NT5DC2: variants seen among roughly 807,000 people sequenced by gnomAD.
NT5DC2 encodes the protein 5'-nucleotidase domain-containing protein 2.
In NT5DC2, 41 loss-of-function variants were observed where a neutral mutation model predicts 70.0. That is an observed-to-expected ratio of 0.59 (90% CI 0.46 to 0.76). The LOEUF is 0.76. Among genes scored for constraint, NT5DC2 ranks in the 30% least tolerant of loss-of-function variants. The pLI is 0.00. For synonymous variants in NT5DC2, 299 were observed against 310.4 expected (o/e 0.96, Z 0.39); for missense variants, 705 against 783.2 (o/e 0.90, Z 1.19).
Position 52,528,886 on chromosome 3 carries a change from C to T in NT5DC2, c.467G>A (p.Arg156His), listed in dbSNP as rs748463195. 14 of 1,614,078 alleles carry T rather than the reference C, an allele frequency of 8.7e-6. No homozygotes were observed. Among genetic ancestry groups the T allele is most frequent in the Non-Finnish European group, 1.1e-5 (13 of 1,180,008 alleles). ...CTTCTGAATGTCATAGTGGAGGCCACGGATGGCAAAGCTGGGGTTGTAGTC... is the reference window on the plus strand; with the variant it reads ...CTTCTGAATGTCATAGTGGAGGCCATGGATGGCAAAGCTGGGGTTGTAGTC... Reference protein sequence around the residue: ...KYDYNPSFAIRGLHYDIQKSL... With the variant: ...KYDYNPSFAIHGLHYDIQKSL... The change falls in exon 3 of 14, where the codon CGT becomes CAT. Residue 156 changes from arginine to histidine, a missense_variant. Physicochemically the swap from Arg to His is conservative, Grantham distance 29. Coordinates refer to ENST00000422318, the MANE Select transcript of NT5DC2 (RefSeq NM_001134231.2).
At chr3:52,528,814 C>T in intron 3 of NT5DC2, 47 bp downstream of exon 3, 2 of 1,605,578 alleles carry the variant, frequency 1.2e-6, no homozygotes, top group Non-Finnish European at 1.7e-6. Context: ...ATGACCATAC[C>T]AAGAGGAGGC....
chr3:52,527,830 C>A lies in NT5DC2; in HGVS notation c.934G>T (p.Val312Leu). The A allele has an allele frequency of 6.2e-7, 1 of 1,613,338 alleles. No individual in the cohort carries two copies. The highest frequency in any genetic ancestry group is 1.3e-5 in the African/African-American group (1 of 75,066). ...TCCATCCACAGGGGCTGGACTCACA[C>A]GAAGCTGAAAGGACTGTTGGTGATG... ...FLITNSPFSF[V>L]DKGMRHMVGP... Residue 312 changes from valine to leucine, a missense_variant and splice_region_variant, in exon 8 of 14, where the codon GTA (valine) becomes TTA (leucine). Val to Leu is a conservative substitution (Grantham distance 32, BLOSUM62 1). Transcript: ENST00000422318.
Position 52,528,167 on chromosome 3 carries a change from G to A in NT5DC2, c.771+16C>T. The A allele has an allele frequency of 1.2e-6, 2 of 1,613,062 alleles. No homozygotes were observed. The highest frequency in any genetic ancestry group is 1.7e-6 in the Non-Finnish European group (2 of 1,180,040). Reference sequence around the variant, plus strand: ...TAGTCTTTCCTGCCATCCGAGGGCAGGCCCAGCATCCTCACCGTCACGTCC... The same window carrying A: ...TAGTCTTTCCTGCCATCCGAGGGCAAGCCCAGCATCCTCACCGTCACGTCC... On this transcript the variant is annotated intron_variant, in intron 6 of 13. Transcript: ENST00000422318.
intron 9 of NT5DC2, 74 bp from the exon 10 acceptor site, chr3:52,527,449 C>T (rs1481842686): frequency 2.4e-5 from 36 of 1,531,342 alleles, no homozygotes; most frequent in Middle Eastern, 1.7e-4. Context: ...ATCCCTCCTC[C>T]GTAAAGGCCC....
rs1559740923 is a variant in NT5DC2 at position 52,531,321 on chromosome 3, G to A, written c.233-1987C>T. Among the ~76,000 whole-genome samples the A allele has an allele frequency of 6.6e-6, 1 of 152,194 alleles. No individual in the cohort carries two copies. The highest frequency in any genetic ancestry group is 1.5e-5 in the Non-Finnish European group (1 of 68,022). On this transcript the variant is annotated intron_variant, in intron 1 of 13. Coordinates refer to ENST00000422318, the MANE Select transcript of NT5DC2 (RefSeq NM_001134231.2). This position sits in a 1 kb window ranked among gnomAD's most constrained non-coding sequence, Gnocchi z 4.1. Reference sequence around the variant, plus strand: ...TGCAACGCTCTAGGGAGCTGCTTCTGAGCCACCCCTCAAGGCCCAGGGTTC... The same window carrying A: ...TGCAACGCTCTAGGGAGCTGCTTCTAAGCCACCCCTCAAGGCCCAGGGTTC...
chr3:52,527,416 G>T, intron 9 of NT5DC2, 41 bp from the exon 10 acceptor site: 1 of 1,601,092 alleles, frequency 6.2e-7, no homozygotes, highest in Non-Finnish European at 8.6e-7. Context: ...GTCTGTGGCT[G>T]GGCCACGGGC....
upstream of NT5DC2, chr3:52,534,384 C>G: frequency 7.6e-7 from 1 of 1,320,170 alleles, no homozygotes; most frequent in Non-Finnish European, 1.1e-6. Flanking sequence ...TCCCGCGCTT[C>G]CCGGTGCCAG....
upstream of NT5DC2, chr3:52,534,948 T>C: frequency 2.6e-6 from 1 of 388,718 alleles, no homozygotes; most frequent in Admixed American, 4.6e-5. Context: ...CAAGTGGGTG[T>C]GCTGGGAACC....
Position 52,528,856 on chromosome 3 carries a change from C to T in NT5DC2, c.492+5G>A. 1.2e-6 allele frequency: 2 copies of T among 1,613,942 alleles called. No individual in the cohort carries two copies. The highest frequency in any genetic ancestry group is 1.7e-6 in the Non-Finnish European group (2 of 1,179,916). ...GGGAGCCCCTATACAGGTCCAGCCACTCACCTTCTGAATGTCATAGTGGAG... is the reference window on the plus strand; with the variant it reads ...GGGAGCCCCTATACAGGTCCAGCCATTCACCTTCTGAATGTCATAGTGGAG... On this transcript the variant is annotated splice_donor_5th_base_variant and intron_variant, in intron 3 of 13. Transcript: ENST00000422318.
At chr3:52,534,817 C>A, upstream of NT5DC2, 2 of 791,494 alleles carry the variant, frequency 2.5e-6, no homozygotes, top group Non-Finnish European at 4.0e-6. Context: ...TGTGTACATT[C>A]GAAACTCCAC....
rs761366173 is a variant in NT5DC2, at chr3:52,527,817, G to T, written c.935+12C>A. 4 of 1,612,946 alleles carry T rather than the reference G, an allele frequency of 2.5e-6. No individual in the cohort carries two copies. The East Asian group carries it at 8.9e-5, about 36-fold the overall frequency. Reference sequence around the variant, plus strand: ...GCCCTGCTGTCCCTCCATCCACAGGGGCTGGACTCACACGAAGCTGAAAGG... The same window carrying T: ...GCCCTGCTGTCCCTCCATCCACAGGTGCTGGACTCACACGAAGCTGAAAGG... On this transcript the variant is annotated intron_variant, in intron 8 of 13. Transcript: ENST00000422318.
upstream of NT5DC2, chr3:52,534,353 G>T: frequency 1.0e-6 from 1 of 971,020 alleles, no homozygotes; most frequent in Non-Finnish European, 1.6e-6. Flanking sequence ...CCACTCACTG[G>T]TCTAACAAAT....
In NT5DC2 at chr3:52,527,685, A is replaced by G. The variant is rs774955964; in HGVS notation, c.969T>C (p.Asp323=). The change falls in exon 9 of 14, where the codon GAT becomes GAC. Residue 323 remains aspartate (D), a synonymous_variant. Transcript: ENST00000422318. The stretch of plus-strand genomic sequence containing the variant: ...TGACCACATCGAAGAGCTGGCGCCA[A>G]TCGGGACCCACCATGTGCCGCATCC... ...DKGMRHMVGP[D]WRQLFDVVIV... 5.0e-6 allele frequency: 8 copies of G among 1,613,226 alleles called. No individual in the cohort carries two copies. In the Admixed American group the frequency reaches 5.0e-5, roughly 10 times the overall value.
At chr3:52,532,547 A>C (rs1009365193) in intron 1 of NT5DC2, 25 of 975,512 alleles carry the variant, frequency 2.6e-5, no homozygotes, top group Non-Finnish European at 2.9e-5. Flanking sequence ...AGAATCTTCC[A>C]GACAGGGCTA....
In NT5DC2 at chr3:52,524,450, C is replaced by A. The variant is rs779192760; in HGVS notation, c.*20G>T. 2 of 1,612,532 alleles carry A rather than the reference C, an allele frequency of 1.2e-6. No homozygotes were observed. The highest frequency in any genetic ancestry group is 8.5e-7 in the Non-Finnish European group (1 of 1,179,794). On this transcript the variant is annotated 3_prime_UTR_variant, in exon 14 of 14. Coordinates refer to ENST00000422318, the MANE Select transcript of NT5DC2 (RefSeq NM_001134231.2). ...GGGGCAGGAGGGGCTGAGGGCCTGT[C>A]CCAGACAATAAAGGTGCCCTCAGCG...
intron 1 of NT5DC2, chr3:52,532,327 C>T: frequency 1.0e-6 from 1 of 985,440 alleles, no homozygotes; most frequent in Non-Finnish European, 1.2e-6. Flanking sequence ...CTCTGAGGGT[C>T]TTCTCCGGGC....
intron 3 of NT5DC2, 43 bp from the exon 4 acceptor site, chr3:52,528,735 T>C: frequency 6.2e-7 from 1 of 1,608,038 alleles, no homozygotes; most frequent in Non-Finnish European, 8.5e-7. Context: ...AGGAGGCAGT[T>C]TCACCGTGGC....
chr3:52,525,052 C>T lies in NT5DC2; in HGVS notation c.1258G>A (p.Glu420Lys), dbSNP rs996616620. ...GTGTTGATGATGCGGATCTCACGCT[C>T]CAGCTCGGGGATGATGGCGCCTGTG... Reference protein sequence around the residue: ...WRTGAIIPELEREIRIINTEQ... With the variant: ...WRTGAIIPELKREIRIINTEQ... Residue 420 changes from glutamate to lysine, a missense_variant, in exon 12 of 14, where the codon GAG (glutamate) becomes AAG (lysine). Transcript: ENST00000422318. 21 of 1,599,716 alleles carry T rather than the reference C, an allele frequency of 1.3e-5. No homozygotes were observed. Among genetic ancestry groups the T allele is most frequent in the Non-Finnish European group, 1.8e-5 (21 of 1,174,128 alleles).
chr3:52,525,641 C>A (rs369494635), intron 10 of NT5DC2: 4 of 272,294 alleles, frequency 1.5e-5, no homozygotes, highest in Non-Finnish European at 2.8e-5. Flanking sequence ...TGCTGGCCTC[C>A]CCTGCCTCAG....
Sources: allele counts gnomAD v4.1 joint callset (sites outside exome capture counted in the v4.1 genomes callset), GRCh38; gene constraint gnomAD v4.1.1; non-coding constraint Gnocchi (gnomAD v3.1); transcripts MANE v1.5; gene names NCBI Gene and HGNC (gene_info 2026-07-23, HGNC 2026-07-21).